Variants in SMPD1 observed in about 807,000 individuals in gnomAD.
SMPD1 encodes sphingomyelin phosphodiesterase.
SMPD1 carries 47 observed loss-of-function variants against 49.7 expected under a neutral mutation model. The observed-to-expected ratio is 0.95, with a 90% CI of 0.75 to 1.21. The LOEUF (loss-of-function observed/expected upper bound fraction) is 1.21. Among genes scored for constraint, SMPD1 ranks in the 50% most tolerant of loss-of-function variants. SMPD1 has a pLI of 0.00. For synonymous variants in SMPD1, 336 were observed against 339.6 expected, an observed-to-expected ratio of 0.99 and a Z score of 0.12; for missense variants, 811 against 822.2, an observed-to-expected ratio of 0.99 and a Z score of 0.17.
rs763771413 is a variant in SMPD1, at chr11:6,391,527, C to G, written c.462C>G (p.Ser154Arg). The change falls in exon 2 of 6, where the codon AGC becomes AGG. Residue 154 changes from serine to arginine, a missense_variant. Coordinates refer to ENST00000342245, the MANE Select transcript of SMPD1 (RefSeq NM_000543.5). ...MVEVWRRSVL[S>R]PSEACGLLLG... ...AGGTGTGGAGACGCTCAGTGCTGAG[C>G]CCATCTGAGGCCTGTGGCCTGCTCC... 8.1e-6 allele frequency: 13 copies of G among 1,613,974 alleles called. No individual in the cohort carries two copies. Among genetic ancestry groups the G allele is most frequent in the Non-Finnish European group, 1.1e-5 (13 of 1,179,988 alleles).
intron 2 of SMPD1, 40 bp from the exon 3 acceptor site, chr11:6,393,176 T>A (rs1323775862): frequency 6.3e-7 from 1 of 1,589,552 alleles, no homozygotes; most frequent in Non-Finnish European, 8.6e-7. Context: ...AGGACCAGGA[T>A]TGGAACAAGT....
At position 6,392,024 on chromosome 11, in the gene SMPD1, A is replaced by G; in HGVS notation, c.959A>G (p.Asn320Ser). ...GPVPVYPAVGNHESTPVNSFP... is the reference protein window; with the variant it reads ...GPVPVYPAVGSHESTPVNSFP... ...GTGCCAGTGTACCCTGCTGTGGGTA[A>G]CCATGAAAGCACACCTGTCAATAGC... is the stretch of plus-strand genomic sequence containing the variant. The change falls in exon 2 of 6, where the codon AAC becomes AGC. Residue 320 changes from asparagine (N) to serine (S), a missense_variant. Asn to Ser is a conservative substitution (Grantham distance 46). Transcript: ENST00000342245. The G allele has an allele frequency of 6.2e-7, 1 of 1,614,168 alleles. No individual in the cohort carries two copies. Among genetic ancestry groups the G allele is most frequent in the Non-Finnish European group, 8.5e-7 (1 of 1,180,028 alleles).
Position 6,394,773 on chromosome 11 carries a change from C to A in SMPD1, c.*166C>A. Reference sequence around the variant, plus strand: ...TTCTCCTTTCCTGGAGCTGGTTTAGCTGGATATGGGAGGGGGTTTGGCTGC... The same window carrying A: ...TTCTCCTTTCCTGGAGCTGGTTTAGATGGATATGGGAGGGGGTTTGGCTGC... On this transcript the variant is annotated 3_prime_UTR_variant, in exon 6 of 6. Coordinates refer to ENST00000342245, the MANE Select transcript of SMPD1 (RefSeq NM_000543.5). The A allele has an allele frequency of 1.5e-6, 1 of 677,572 alleles. No individual in the cohort carries two copies. The highest frequency in any genetic ancestry group is 2.5e-6 in the Non-Finnish European group (1 of 393,562). 42.0% of individuals were successfully genotyped at this position (677,572 alleles called of 1,614,324 possible).
chr11:6,394,817 C>A lies in SMPD1; in HGVS notation c.*210C>A. The A allele has an allele frequency of 1.6e-6, 1 of 609,326 alleles. No homozygotes were observed. The highest frequency in any genetic ancestry group is 2.0e-5 in the South Asian group (1 of 51,176). 37.7% of individuals were successfully genotyped at this position (609,326 alleles called of 1,614,324 possible). A position where few individuals can be genotyped will look rare whatever the true frequency, so the allele number is the denominator to read the frequency against. On this transcript the variant is annotated 3_prime_UTR_variant, in exon 6 of 6. Coordinates refer to ENST00000342245, the MANE Select transcript of SMPD1 (RefSeq NM_000543.5). Reference sequence around the variant, plus strand: ...TGGCTGCCTGTGCCCAGGAGCTAGACTGCCTTGAGGCTGCTGTCCTTTCAC... The same window carrying A: ...TGGCTGCCTGTGCCCAGGAGCTAGAATGCCTTGAGGCTGCTGTCCTTTCAC...
chr11:6,393,690 C>G lies in SMPD1; in HGVS notation c.1337C>G (p.Ala446Gly), dbSNP rs559092380. Residue 446 changes from alanine (A) to glycine (G), a missense_variant, in exon 4 of 6, where the codon GCC becomes GGC. Physicochemically the swap from Ala to Gly is moderately conservative, Grantham distance 60. Transcript: ENST00000342245. ...AGCTGGAATTATTACCGAATTGTAG[C>G]CAGGTAGGACGGAGATGAGGGTGGG... ...SWSWNYYRIV[A>G]RYENTLAAQF... The G allele has an allele frequency of 7.4e-6, 12 of 1,613,328 alleles. No homozygotes were observed. The highest frequency in any genetic ancestry group is 5.0e-5 in the Admixed American group (3 of 60,022).
chr11:6,394,789 G>T lies in SMPD1; in HGVS notation c.*182G>T, dbSNP rs1274082613. On this transcript the variant is annotated 3_prime_UTR_variant, in exon 6 of 6. Transcript: ENST00000342245. ...CTGGTTTAGCTGGATATGGGAGGGG[G>T]TTTGGCTGCCTGTGCCCAGGAGCTA... 1.6e-6 allele frequency: 1 copy of T among 638,408 alleles called. No individual in the cohort carries two copies. Among genetic ancestry groups the T allele is most frequent in the Admixed American group, 2.7e-5 (1 of 36,940 alleles). The allele number at this position is 638,408 out of a possible 1,614,324, so 39.5% of individuals were successfully genotyped here. A position where few individuals can be genotyped will look rare whatever the true frequency, so the allele number is the denominator to read the frequency against.
At chr11:6,392,329 CTTTT>C in intron 2 of SMPD1, 173 bp downstream of exon 2, 1,474 of 401,502 alleles carry the variant, frequency 3.7e-3, no homozygotes, top group East Asian at 6.3e-3. Context: ...CCGCACCAGG[CTTTT>C]TTTTTTTTTT....
intron 3 of SMPD1, 85 bp from the exon 4 acceptor site, chr11:6,393,532 A>C: frequency 7.2e-7 from 1 of 1,392,094 alleles, no homozygotes; most frequent in Non-Finnish European, 1.0e-6. Context: ...CACTGTTGAA[A>C]GCCTTCATTC....
At position 6,393,345 on chromosome 11, in the gene SMPD1, G is replaced by A; in HGVS notation, c.1221G>A (p.Trp407Ter). The A allele has an allele frequency of 1.2e-6, 2 of 1,614,000 alleles. No homozygotes were observed. The highest frequency in any genetic ancestry group is 8.5e-7 in the Non-Finnish European group (1 of 1,179,850). ...CGGATCCCGCAGGACAGCTCCAGTGGCTGGTGGGGGAGCTTCAGGCTGCTG... is the reference window on the plus strand; with the variant it reads ...CGGATCCCGCAGGACAGCTCCAGTGACTGGTGGGGGAGCTTCAGGCTGCTG... ...NSTDPAGQLQ[W>*]LVGELQAAED... Residue 407 changes from tryptophan (W) to a stop codon, truncating the protein, a stop_gained, in exon 3 of 6, where the codon TGG becomes TGA. Coordinates refer to ENST00000342245, the MANE Select transcript of SMPD1 (RefSeq NM_000543.5). LOFTEE classifies it high-confidence loss of function.
In SMPD1 at chr11:6,391,671, C is replaced by T. The variant is rs779618003; in HGVS notation, c.606C>T (p.Arg202=). The change falls in exon 2 of 6, where the codon CGC becomes CGT. Residue 202 remains arginine, a synonymous_variant. Transcript: ENST00000342245. The stretch of plus-strand genomic sequence containing the variant: ...CAGCCCCAGGTGCCCCTGTCAGCCG[C>T]ATCCTCTTCCTCACTGACCTGCACT... ...SPPAPGAPVS[R]ILFLTDLHWD... is the part of the protein sequence containing the mutation. The T allele has an allele frequency of 6.8e-6, 11 of 1,606,374 alleles. No homozygotes were observed. Among genetic ancestry groups the T allele is most frequent in the Non-Finnish European group, 8.5e-6 (10 of 1,178,832 alleles).
At chr11:6,391,344 T>C (rs375429408) in intron 1 of SMPD1, 40 bp from the exon 2 acceptor site, 19 of 1,608,398 alleles carry the variant, frequency 1.2e-5, no homozygotes, top group Non-Finnish European at 1.5e-5. Context: ...GTTCCTCTGC[T>C]CTGCCTCTGA....
At position 6,394,987 on chromosome 11, in the gene SMPD1, T is replaced by G. The variant is rs1273950501; in HGVS notation, c.*380T>G. ...GTCTGTTAAAATAAAGATAAGAGACTTGGACTCCAGACCCCTGTGTGACTG... is the reference window on the plus strand; with the variant it reads ...GTCTGTTAAAATAAAGATAAGAGACGTGGACTCCAGACCCCTGTGTGACTG... On this transcript the variant is annotated 3_prime_UTR_variant, in exon 6 of 6. Transcript: ENST00000342245. The G allele has an allele frequency of 3.3e-6, 1 of 302,336 alleles. No homozygotes were observed. The allele number at this position is 302,336 out of a possible 1,614,324, so 18.7% of individuals were successfully genotyped here.
In SMPD1 at chr11:6,391,872, C is replaced by T. The variant is rs35933246; in HGVS notation, c.807C>T (p.Ala269=). 4,407 of 1,614,092 alleles carry T rather than the reference C, an allele frequency of 2.7e-3. 111 individuals are homozygous for T. In the African/African-American group the frequency reaches 0.053, roughly 19 times the overall value. ...GCCTGTTGAGTGGGCTGGGCCCAGCCGGCCCTTTTGATATGGTGTACTGGA... is the reference window on the plus strand; with the variant it reads ...GCCTGTTGAGTGGGCTGGGCCCAGCTGGCCCTTTTGATATGGTGTACTGGA... The part of the protein sequence containing the change: ...LESLLSGLGP[A]GPFDMVYWTG... Residue 269 remains alanine, a synonymous_variant, in exon 2 of 6, where the codon GCC becomes GCT. Transcript: ENST00000342245.
Position 6,390,694 on chromosome 11 carries a change from G to C in SMPD1, c.96G>C (p.Trp32Cys). 1 of 1,609,084 alleles carries C rather than the reference G, an allele frequency of 6.2e-7. No individual in the cohort carries two copies. Among genetic ancestry groups the C allele is most frequent in the Non-Finnish European group, 8.5e-7 (1 of 1,178,554 alleles). The change falls in exon 1 of 6, where the codon TGG becomes TGC. Residue 32 changes from tryptophan (W) to cysteine (C), a missense_variant. Coordinates refer to ENST00000342245, the MANE Select transcript of SMPD1 (RefSeq NM_000543.5). ...CCGCCGGAGCCCCCGGACTCCTTTGGATGGGCCTGGTGCTGGCGCTGGCGC... is the reference window on the plus strand; with the variant it reads ...CCGCCGGAGCCCCCGGACTCCTTTGCATGGGCCTGGTGCTGGCGCTGGCGC... The part of the protein sequence containing the change: ...DGTAGAPGLL[W>C]MGLVLALALA...
rs201134693 is a variant in SMPD1, at chr11:6,391,974, A to G, written c.909A>G (p.Ala303=). The stretch of plus-strand genomic sequence containing the variant: ...TGCGGGCCCTGACCACCGTCACAGC[A>G]CTTGTGAGGAAGTTCCTGGGGCCAG... ...DQLRALTTVT[A]LVRKFLGPVP... Residue 303 remains alanine, a synonymous_variant, in exon 2 of 6, where the codon GCA becomes GCG. Transcript: ENST00000342245. The G allele has an allele frequency of 4.6e-5, 75 of 1,614,168 alleles. No homozygotes were observed. Among genetic ancestry groups the G allele is most frequent in the Middle Eastern group, 3.3e-4 (2 of 6,062 alleles).
rs138499616 is a variant in SMPD1, at chr11:6,394,690, A to G, written c.*83A>G. On this transcript the variant is annotated 3_prime_UTR_variant, in exon 6 of 6. Transcript: ENST00000342245. ...AATGCTGCTGTGGTTCAACCAGGCA[A>G]GATCATCCGGTGAAAGAACCAGTCC... is the stretch of plus-strand genomic sequence containing the variant. 7.7e-4 allele frequency: 920 copies of G among 1,194,618 alleles called. 3 individuals carry two copies. The highest frequency in any genetic ancestry group is 6.4e-4 in the Non-Finnish European group (534 of 830,338). 74.0% of individuals were successfully genotyped at this position (1,194,618 alleles called of 1,614,324 possible). A position where few individuals can be genotyped will look rare whatever the true frequency, so the allele number is the denominator to read the frequency against.
Position 6,391,609 on chromosome 11 carries a change from A to G in SMPD1, c.544A>G (p.Thr182Ala). 1 of 1,590,816 alleles carries G rather than the reference A, an allele frequency of 6.3e-7. No homozygotes were observed. The highest frequency in any genetic ancestry group is 8.6e-7 in the Non-Finnish European group (1 of 1,168,740). Reference protein sequence around the residue: ...IFSSWNISLPTVPKPPPKPPS... With the variant: ...IFSSWNISLPAVPKPPPKPPS... ...CTCATCTTGGAACATCTCTTTGCCT[A>G]CTGTGCCGAAGCCGCCCCCCAAACC... The change falls in exon 2 of 6, where the codon ACT becomes GCT. Residue 182 changes from threonine to alanine, a missense_variant. Coordinates refer to ENST00000342245, the MANE Select transcript of SMPD1 (RefSeq NM_000543.5).
At position 6,392,745 on chromosome 11, in the gene SMPD1, G is replaced by A. The variant is rs191856867; in HGVS notation, c.1092-471G>A. ...CCTGACCTCATGATCTGCCCACCTC[G>A]GCCTCCCAAAGTGCTGGGATTACAG... On this transcript the variant is annotated intron_variant, in intron 2 of 5. Coordinates refer to ENST00000342245, the MANE Select transcript of SMPD1 (RefSeq NM_000543.5). Among the ~76,000 whole-genome samples, 986 of 151,692 alleles carry A rather than the reference G, an allele frequency of 6.5e-3. 3 individuals carry two copies. Among genetic ancestry groups the A allele is most frequent in the Middle Eastern group, 0.017 (5 of 294 alleles).
At position 6,392,074 on chromosome 11, in the gene SMPD1, A is replaced by G. The variant is rs919084101; in HGVS notation, c.1009A>G (p.Asn337Asp). Reference sequence around the variant, plus strand: ...CTTCCCTCCCCCCTTCATTGAGGGCAACCACTCCTCCCGCTGGCTCTATGA... The same window carrying G: ...CTTCCCTCCCCCCTTCATTGAGGGCGACCACTCCTCCCGCTGGCTCTATGA... ...NSFPPPFIEG[N>D]HSSRWLYEAM... Residue 337 changes from asparagine to aspartate, a missense_variant, in exon 2 of 6, where the codon AAC becomes GAC. Transcript: ENST00000342245. The G allele has an allele frequency of 6.2e-7, 1 of 1,614,140 alleles. No homozygotes were observed. The highest frequency in any genetic ancestry group is 8.5e-7 in the Non-Finnish European group (1 of 1,180,024).
Sources: allele counts gnomAD v4.1 joint callset (sites outside exome capture counted in the v4.1 genomes callset), GRCh38; gene constraint gnomAD v4.1.1; transcripts MANE v1.5; gene names NCBI Gene and HGNC (gene_info 2026-07-23, HGNC 2026-07-21).